Variants in SMAD5 observed in about 807,000 individuals in gnomAD.
The protein encoded by SMAD5 is SMAD family member 5.
In SMAD5, 9 loss-of-function variants were observed where a neutral mutation model predicts 43.1. The observed-to-expected ratio is 0.21, with a 90% CI of 0.13 to 0.36. SMAD5 has a LOEUF of 0.36. Ranked by LOEUF, SMAD5 falls within the 10% of genes least tolerant of loss-of-function variation. The probability of loss-of-function intolerance (pLI) is 1.00; values close to 1 mark genes in which losing one functional copy is unlikely to be tolerated. For missense variants in SMAD5, 348 were observed against 574.0 expected (o/e 0.61, Z 4.02); for synonymous variants, 190 against 192.4 (o/e 0.99, Z 0.10).
At chr5:136,150,726 T>C (rs1195981537) in intron 2 of SMAD5, among the ~76,000 whole-genome samples, 1 of 151,922 alleles carries the variant, frequency 6.6e-6, no homozygotes, top group Non-Finnish European at 1.5e-5. Context: ...CAAGATTAGA[T>C]TAGGACTAGA....
intron 3 of SMAD5, among the ~76,000 whole-genome samples, chr5:136,154,517 TTC>T (rs1334019111): frequency 3.9e-5 from 6 of 152,162 alleles, no homozygotes; most frequent in Non-Finnish European, 8.8e-5. Flanking sequence ...GTTATCATCC[TTC>T]TCTCCAGCAT....
chr5:136,143,510 T>C (rs1166863717), intron 1 of SMAD5, among the ~76,000 whole-genome samples: 1 of 152,076 alleles, frequency 6.6e-6, no homozygotes, highest in Non-Finnish European at 1.5e-5. Context: ...CTTTCCCTGT[T>C]TGACCTTCAT....
In SMAD5 at chr5:136,182,643, C is replaced by CTA. The variant is rs1754673328; in HGVS notation, c.*5167_*5168dup. On this transcript the variant is annotated 3_prime_UTR_variant, in exon 8 of 8. Transcript: ENST00000545279. ...ACTTATGAAAATGTATTAGGTTTTA[C>CTA]TATATTGTGCTTTTGAAAGCCATAA... 1 of 152,628 alleles carries CTA rather than the reference C, an allele frequency of 6.6e-6. No homozygotes were observed. The highest frequency in any genetic ancestry group is 2.1e-4 in the South Asian group (1 of 4,828). 9.5% of individuals were successfully genotyped at this position (152,628 alleles called of 1,614,324 possible).
At chr5:136,146,211 T>A (rs1753253378) in intron 1 of SMAD5, among the ~76,000 whole-genome samples, 1 of 151,878 alleles carries the variant, frequency 6.6e-6, no homozygotes, top group Admixed American at 6.6e-5. Flanking sequence ...TTATGTATAT[T>A]TGTGTCTCAG....
chr5:136,159,628 G>A (rs1386488498), intron 3 of SMAD5, among the ~76,000 whole-genome samples: 2 of 140,384 alleles, frequency 1.4e-5, no homozygotes, highest in East Asian at 2.1e-4. Context: ...CCTGCTAAAT[G>A]TAGAAATTCT....
chr5:136,144,787 A>G (rs1561642121), intron 1 of SMAD5, among the ~76,000 whole-genome samples: 1 of 151,878 alleles, frequency 6.6e-6, no homozygotes, highest in Admixed American at 6.6e-5. Flanking sequence ...CCCTTGACTT[A>G]CTAGAGAACT....
chr5:136,172,635 C>T lies in SMAD5; in HGVS notation c.977C>T (p.Thr326Ile). Residue 326 changes from threonine (T) to isoleucine (I), a missense_variant, in exon 6 of 8, where the codon ACT becomes ATT. Physicochemically the swap from Thr to Ile is moderately conservative, Grantham distance 89. This residue lies in a region of SMAD5 where 97 missense variants were observed against 211.8 expected (regional missense o/e 0.46). Transcript: ENST00000545279. ...AATCGTAATTCGACAATTGAAAACA[C>T]TAGGCGACATATTGGAAAAGGTAAT... Reference protein sequence around the residue: ...NVNRNSTIENTRRHIGKGVHL... With the variant: ...NVNRNSTIENIRRHIGKGVHL... The T allele has an allele frequency of 6.2e-7, 1 of 1,602,516 alleles. No individual in the cohort carries two copies. The highest frequency in any genetic ancestry group is 1.1e-5 in the South Asian group (1 of 90,800).
At position 136,179,240 on chromosome 5, in the gene SMAD5, T is replaced by C. The variant is rs1013895787; in HGVS notation, c.*1760T>C. On this transcript the variant is annotated 3_prime_UTR_variant, in exon 8 of 8. Coordinates refer to ENST00000545279, the MANE Select transcript of SMAD5 (RefSeq NM_005903.7). ...ATTTAATCAATCATGTTTTTGGCTT[T>C]GGATAAAGAACTTTGAACCAGTTTT... 6.6e-6 allele frequency: 1 copy of C among 152,630 alleles called. No homozygotes were observed. The highest frequency in any genetic ancestry group is 1.5e-5 in the Non-Finnish European group (1 of 68,042). 9.5% of individuals were successfully genotyped at this position (152,630 alleles called of 1,614,324 possible).
chr5:136,138,226 G>C lies in SMAD5; in HGVS notation c.-245+5264G>C, dbSNP rs138137969. Among the ~76,000 whole-genome samples, 227 of 152,332 alleles carry C rather than the reference G, an allele frequency of 1.5e-3. 3 individuals are homozygous for C. The highest frequency in any genetic ancestry group is 5.2e-3 in the African/African-American group (216 of 41,564). On this transcript the variant is annotated intron_variant, in intron 1 of 7. Coordinates refer to ENST00000545279, the MANE Select transcript of SMAD5 (RefSeq NM_005903.7). ...TCTGGCTGTGGGAGATAATAAAGTA[G>C]AGAATTCTGTGGGCACAGAATAGGC...
intron 1 of SMAD5, among the ~76,000 whole-genome samples, chr5:136,144,107 T>C (rs1363567936): frequency 6.6e-6 from 1 of 152,110 alleles, no homozygotes; most frequent in Non-Finnish European, 1.5e-5. Context: ...CATTCATTCA[T>C]ACGGCAGTTT....
Position 136,177,543 on chromosome 5 carries a change from A to G in SMAD5, c.*63A>G. The G allele has an allele frequency of 7.9e-7, 1 of 1,271,086 alleles. No individual in the cohort carries two copies. The highest frequency in any genetic ancestry group is 1.1e-6 in the Non-Finnish European group (1 of 905,502). 78.7% of individuals were successfully genotyped at this position (1,271,086 alleles called of 1,614,324 possible). A position where few individuals can be genotyped will look rare whatever the true frequency, so the allele number is the denominator to read the frequency against. ...TTGTTTTAATTTTAGAGAAACTTTG[A>G]GTACAGATACTGTGAGCTTACATTG... On this transcript the variant is annotated 3_prime_UTR_variant, in exon 8 of 8. Transcript: ENST00000545279.
intron 6 of SMAD5, among the ~76,000 whole-genome samples, chr5:136,173,686 T>C (rs192850122): frequency 4.1e-4 from 63 of 152,150 alleles, no homozygotes; most frequent in African/African-American, 1.4e-3. Context: ...TCTAGGACCT[T>C]TTCTTTCATG....
chr5:136,151,107 T>G (rs746228045), intron 2 of SMAD5, among the ~76,000 whole-genome samples: 2 of 152,032 alleles, frequency 1.3e-5, no homozygotes, highest in Non-Finnish European at 2.9e-5. Flanking sequence ...GTATATATAT[T>G]TTTACAAATT....
Position 136,177,617 on chromosome 5 carries a change from AT to A in SMAD5, c.*140del. On this transcript the variant is annotated 3_prime_UTR_variant, in exon 8 of 8. Transcript: ENST00000545279. ...TTTTCTACATAATTGTGACCAATACATTTGTATTTTGTGATGAATCTACATT... is the reference window on the plus strand; with the variant it reads ...TTTTCTACATAATTGTGACCAATACATTGTATTTTGTGATGAATCTACATT... 1.6e-6 allele frequency: 1 copy of A among 637,120 alleles called. No individual in the cohort carries two copies. Among genetic ancestry groups the A allele is most frequent in the Non-Finnish European group, 2.6e-6 (1 of 378,942 alleles). 39.5% of individuals were successfully genotyped at this position (637,120 alleles called of 1,614,324 possible). A position where few individuals can be genotyped will look rare whatever the true frequency, so the allele number is the denominator to read the frequency against.
At chr5:136,150,790 G>T (rs1014118948) in intron 2 of SMAD5, among the ~76,000 whole-genome samples, 1 of 152,010 alleles carries the variant, frequency 6.6e-6, no homozygotes, top group Non-Finnish European at 1.5e-5. Context: ...CTAATGATTA[G>T]AATTCATGTT....
chr5:136,177,581 A>G lies in SMAD5; in HGVS notation c.*101A>G. ...TGAGCTTACATTGAAAACAGATATT[A>G]CAGCTTATTTTTTTCTACATAATTG... On this transcript the variant is annotated 3_prime_UTR_variant, in exon 8 of 8. Coordinates refer to ENST00000545279, the MANE Select transcript of SMAD5 (RefSeq NM_005903.7). The G allele has an allele frequency of 2.4e-6, 2 of 849,624 alleles. No individual in the cohort carries two copies. The highest frequency in any genetic ancestry group is 3.6e-6 in the Non-Finnish European group (2 of 556,984). The allele number at this position is 849,624 out of a possible 1,614,324, so 52.6% of individuals were successfully genotyped here.
chr5:136,142,425 C>T (rs1300319545), intron 1 of SMAD5, among the ~76,000 whole-genome samples: 2 of 152,112 alleles, frequency 1.3e-5, no homozygotes, highest in African/African-American at 2.4e-5. Context: ...ACCACTGCAT[C>T]TCTTTTGGTA....
chr5:136,169,683 TAAG>T (rs1754146404), intron 5 of SMAD5, among the ~76,000 whole-genome samples: 2 of 152,206 alleles, frequency 1.3e-5, no homozygotes, highest in Admixed American at 6.5e-5. Context: ...TTTAGGTTTG[TAAG>T]AAACGGCCAA....
chr5:136,171,695 T>G (rs1036652952), intron 5 of SMAD5, among the ~76,000 whole-genome samples: 18 of 152,218 alleles, frequency 1.2e-4, no homozygotes, highest in Admixed American at 4.6e-4. Context: ...GTCTCGTATG[T>G]CATATGTAGA....
Sources: gnomAD v4.1 joint callset for allele counts (sites outside exome capture counted in the v4.1 genomes callset) on GRCh38, gnomAD v4.1.1 for gene constraint, gnomAD v4.1.1 regional missense constraint, MANE v1.5 for transcripts, NCBI Gene and HGNC (gene_info 2026-07-23, HGNC 2026-07-21) for gene names.